The following CCDC9B variants were observed in gnomAD, a reference collection of about 807,000 sequenced individuals.
The protein encoded by CCDC9B is coiled-coil domain containing 9B, also known as coiled-coil domain-containing protein 9B.
A neutral mutation model predicts 47.2 loss-of-function variants in CCDC9B; 40 were observed. The observed-to-expected ratio is 0.85, with a 90% confidence interval of 0.66 to 1.10. The LOEUF is 1.10. CCDC9B is among the 50% of genes least tolerant of loss of function. The pLI is 0.00. For missense variants in CCDC9B, 662 were observed against 651.0 expected (o/e 1.02, Z -0.18); for synonymous variants, 238 against 250.7 (o/e 0.95, Z 0.48).
At position 40,338,811 on chromosome 15, in the gene CCDC9B, G is replaced by A. The variant is rs201123464; in HGVS notation, c.324C>T (p.His108=). The stretch of plus-strand genomic sequence containing the variant: ...GCTCCCCTAAGCAGAAAGTACCCCC[G>A]TGGTCCTCAGCATCCTCATCCTCAA... The part of the protein sequence containing the change: ...EMLEDEDAED[H]GGTFCLGELV... Residue 108 remains histidine, a synonymous_variant, in exon 4 of 11, where the codon CAC becomes CAT. Transcript: ENST00000397536. 3.2e-5 allele frequency: 52 copies of A among 1,614,014 alleles called. No homozygotes were observed. Among genetic ancestry groups the A allele is most frequent in the Middle Eastern group, 3.3e-4 (2 of 6,084 alleles).
chr15:40,336,706 A>G (rs753857383), intron 8 of CCDC9B, 42 bp from the exon 9 acceptor site: 1 of 1,603,282 alleles, frequency 6.2e-7, no homozygotes, highest in South Asian at 1.1e-5. Context: ...GGCCCATAGC[A>G]GCCGGCTCCA....
chr15:40,339,847 TG>T, intron 2 of CCDC9B, 57 bp downstream of exon 2: 2 of 1,460,470 alleles, frequency 1.4e-6, no homozygotes, highest in Non-Finnish European at 9.6e-7. Context: ...CCACCACGTG[TG>T]GGGCACAGGG....
In CCDC9B at chr15:40,337,605, G is replaced by A. The variant is rs566926557; in HGVS notation, c.683+119C>T. 2.7e-5 allele frequency: 34 copies of A among 1,271,008 alleles called. 1 individual carries two copies. Among genetic ancestry groups the A allele is most frequent in the South Asian group, 1.8e-4 (12 of 67,326 alleles). The allele number at this position is 1,271,008 out of a possible 1,614,324, so 78.7% of individuals were successfully genotyped here. A position where few individuals can be genotyped will look rare whatever the true frequency, so the allele number is the denominator to read the frequency against. ...ACCCAGAGCCTTGAACCCTGGGCTC[G>A]ACCAGAATGCCCAGCAAGGTCCTCT... On this transcript the variant is annotated intron_variant, in intron 6 of 10. Coordinates refer to ENST00000397536, the MANE Select transcript of CCDC9B (RefSeq NM_207380.3).
At chr15:40,337,492 G>A (rs748244894) in intron 6 of CCDC9B, 46 bp from the exon 7 acceptor site, 248 of 1,488,164 alleles carry the variant, frequency 1.7e-4, no homozygotes, top group Middle Eastern at 2.5e-4. Flanking sequence ...AGAAGCTGCC[G>A]CGGGCCCCAC....
chr15:40,338,441 C>A, intron 5 of CCDC9B, 94 bp downstream of exon 5: 6 of 1,434,876 alleles, frequency 4.2e-6, no homozygotes, highest in Non-Finnish European at 4.8e-6. Context: ...TTGGCCACGT[C>A]CCCGCAAATG....
chr15:40,333,742 A>G lies in CCDC9B; in HGVS notation c.*1416T>C. On this transcript the variant is annotated 3_prime_UTR_variant, in exon 11 of 11. Transcript: ENST00000397536. ...GGGTGGAGTTGAGAGCCAGTGAGGA[A>G]GGCTGAGCTGGGACCCCACAGTTTA... 2 of 701,260 alleles carry G rather than the reference A, an allele frequency of 2.9e-6. No homozygotes were observed. Among genetic ancestry groups the G allele is most frequent in the Non-Finnish European group, 1.8e-6 (1 of 571,276 alleles). 43.4% of individuals were successfully genotyped at this position (701,260 alleles called of 1,614,324 possible). A position where few individuals can be genotyped will look rare whatever the true frequency, so the allele number is the denominator to read the frequency against.
In CCDC9B at chr15:40,340,929, C is replaced by T. The variant is rs369087843; in HGVS notation, c.-110G>A. ...TCTGCCGGCCTCTCCCTGCCGGCTT[C>T]GCTGCTCAGCACACGAGATCATGTT... is the stretch of plus-strand genomic sequence containing the variant. On this transcript the variant is annotated 5_prime_UTR_variant, in exon 1 of 11. Coordinates refer to ENST00000397536, the MANE Select transcript of CCDC9B (RefSeq NM_207380.3). 2.1e-5 allele frequency: 33 copies of T among 1,607,868 alleles called. No homozygotes were observed. The highest frequency in any genetic ancestry group is 1.5e-4 in the African/African-American group (11 of 74,728).
intron 5 of CCDC9B, chr15:40,338,277 C>T: frequency 1.6e-6 from 1 of 635,672 alleles, no homozygotes; most frequent in Non-Finnish European, 2.8e-6. Context: ...CCTCCTGCCC[C>T]CTCCCCAACT....
chr15:40,335,088 G>A lies in CCDC9B; in HGVS notation c.*70C>T, dbSNP rs547738234. On this transcript the variant is annotated 3_prime_UTR_variant, in exon 11 of 11. Coordinates refer to ENST00000397536, the MANE Select transcript of CCDC9B (RefSeq NM_207380.3). ...CCACCGGCAACCACATGGCCATCACGCGGAGGGCCTTTAACAGAGTGATTC... is the reference window on the plus strand; with the variant it reads ...CCACCGGCAACCACATGGCCATCACACGGAGGGCCTTTAACAGAGTGATTC... 39 of 1,358,336 alleles carry A rather than the reference G, an allele frequency of 2.9e-5. No individual in the cohort carries two copies. In the African/African-American group the frequency reaches 3.9e-4, roughly 14 times the overall value. The allele number at this position is 1,358,336 out of a possible 1,614,324, so 84.1% of individuals were successfully genotyped here. A position where few individuals can be genotyped will look rare whatever the true frequency, so the allele number is the denominator to read the frequency against.
intron 3 of CCDC9B, chr15:40,339,153 A>G: frequency 1.7e-6 from 1 of 599,910 alleles, no homozygotes; most frequent in Admixed American, 2.9e-5. Flanking sequence ...CACTCAAACA[A>G]TGGGTCTCTG....
In CCDC9B at chr15:40,335,318, G is replaced by C; in HGVS notation, c.1313C>G (p.Ala438Gly). ...GTCTTCTCCGGGCTCTGGGAGCCCTGCTCCTCTCTGTGGCTCAGGGCAAGT... is the reference window on the plus strand; with the variant it reads ...GTCTTCTCCGGGCTCTGGGAGCCCTCCTCCTCTCTGTGGCTCAGGGCAAGT... ...VQTCPEPQRG[A>G]GLPEPGEDRS... Residue 438 changes from alanine to glycine, a missense_variant, in exon 11 of 11, where the codon GCA becomes GGA. Physicochemically the swap from Ala to Gly is moderately conservative, Grantham distance 60 (BLOSUM62 0). Coordinates refer to ENST00000397536, the MANE Select transcript of CCDC9B (RefSeq NM_207380.3). The C allele has an allele frequency of 6.2e-7, 1 of 1,613,584 alleles. No individual in the cohort carries two copies. The highest frequency in any genetic ancestry group is 8.5e-7 in the Non-Finnish European group (1 of 1,179,854).
intron 5 of CCDC9B, 21 bp downstream of exon 5, chr15:40,338,514 C>G: frequency 6.2e-7 from 1 of 1,610,684 alleles, no homozygotes; most frequent in Non-Finnish European, 8.5e-7. Flanking sequence ...TCCATGTCCC[C>G]ATCCCCTCTT....
At chr15:40,340,518 C>T (rs1411449199) in intron 1 of CCDC9B, 12 of 462,870 alleles carry the variant, frequency 2.6e-5, no homozygotes, top group East Asian at 7.4e-5. Context: ...AGGAAAGAGC[C>T]GCTCCCAGGG....
chr15:40,337,186 T>C, intron 7 of CCDC9B: 1 of 709,694 alleles, frequency 1.4e-6, no homozygotes, highest in East Asian at 2.7e-5. Context: ...GCTCAGAACC[T>C]GGACAAGAGC....
chr15:40,338,571 G>C lies in CCDC9B; in HGVS notation c.477C>G (p.Pro159=), dbSNP rs781148736. The part of the protein sequence containing the change: ...SPGGRVTRSP[P]TQVAISSDSA... The stretch of plus-strand genomic sequence containing the variant: ...AATCTGAGCTGATGGCCACCTGCGT[G>C]GGGGGGCTTCGGGTCACACGCCCTC... The change falls in exon 5 of 11, where the codon CCC becomes CCG. Residue 159 remains proline, a synonymous_variant. Coordinates refer to ENST00000397536, the MANE Select transcript of CCDC9B (RefSeq NM_207380.3). 1.2e-5 allele frequency: 19 copies of C among 1,613,860 alleles called. 1 individual carries two copies. Among genetic ancestry groups the C allele is most frequent in the East Asian group, 4.5e-5 (2 of 44,894 alleles).
intron 1 of CCDC9B, 39 bp downstream of exon 1, chr15:40,340,769 T>C (rs1459257074): frequency 6.3e-7 from 1 of 1,581,566 alleles, no homozygotes; most frequent in Non-Finnish European, 8.6e-7. Context: ...CCCCTCCCAG[T>C]CCCAAGAAGC....
intron 7 of CCDC9B, chr15:40,337,097 A>C: frequency 1.6e-6 from 1 of 610,748 alleles, no homozygotes; most frequent in Non-Finnish European, 2.9e-6. Context: ...CTGGGGAAGG[A>C]CCACCAGGAC....
chr15:40,340,815 T>C lies in CCDC9B; in HGVS notation c.5A>G (p.His2Arg). ...AGGCAGACTGCCACTCACAGCCGAG[T>C]GCATGGCAACGGCGGGCACCGAGAG... The part of the protein sequence containing the change: M[H>R]SAGTPRAESP... Residue 2 changes from histidine (H) to arginine (R), a missense_variant, in exon 1 of 11, where the codon CAC (histidine) becomes CGC (arginine). Coordinates refer to ENST00000397536, the MANE Select transcript of CCDC9B (RefSeq NM_207380.3). The C allele has an allele frequency of 1.2e-6, 2 of 1,608,672 alleles. No homozygotes were observed. Among genetic ancestry groups the C allele is most frequent in the Non-Finnish European group, 1.7e-6 (2 of 1,178,428 alleles).
intron 9 of CCDC9B, 116 bp from the exon 10 acceptor site, chr15:40,335,942 A>G: frequency 6.5e-7 from 1 of 1,528,204 alleles, no homozygotes; most frequent in Non-Finnish European, 8.8e-7. Flanking sequence ...CTGAGCTGGG[A>G]CCCCATGGTT....
Sources: allele counts gnomAD v4.1 joint callset, GRCh38; gene constraint gnomAD v4.1.1; transcripts MANE v1.5; gene names NCBI Gene and HGNC (gene_info 2026-07-23, HGNC 2026-07-21).